Variants in CPT1A observed in about 807,000 individuals in gnomAD.
CPT1A encodes carnitine palmitoyltransferase 1A, also known as carnitine O-palmitoyltransferase 1, liver isoform.
CPT1A carries 64 observed loss-of-function variants against 100.8 expected under a neutral mutation model. That is an observed-to-expected ratio of 0.63 (90% CI 0.52 to 0.78). The LOEUF is 0.78. CPT1A is among the 30% of genes least tolerant of loss of function. CPT1A has a pLI of 0.00. For synonymous variants in CPT1A, 363 were observed against 396.0 expected (o/e 0.92, Z 0.99); for missense variants, 802 against 1,034.1 (o/e 0.78, Z 3.08).
chr11:68,761,808 A>C (rs1854627837), intron 15 of CPT1A, 121 bp from the exon 16 acceptor site: 1 of 1,201,072 alleles, frequency 8.3e-7, no homozygotes, highest in South Asian at 1.2e-5. Flanking sequence ...ACGGGGTTTC[A>C]ACATGTTGCC....
intron 9 of CPT1A, among the ~76,000 whole-genome samples, chr11:68,786,359 TCAAA>T (rs896884601): frequency 8.6e-5 from 13 of 151,946 alleles, no homozygotes; most frequent in African/African-American, 1.9e-4. Flanking sequence ...AGATCCTATC[TCAAA>T]CAAACAAACA....
intron 9 of CPT1A, among the ~76,000 whole-genome samples, chr11:68,788,654 A>AAG (rs369572011): frequency 2.7e-5 from 4 of 146,154 alleles, no homozygotes; most frequent in Non-Finnish European, 6.0e-5. Context: ...AAAAAAAAAA[A>AAG]GCAGAATGTC....
intron 14 of CPT1A, among the ~76,000 whole-genome samples, chr11:68,769,385 C>T (rs912380392): frequency 8.6e-5 from 13 of 151,490 alleles, no homozygotes; most frequent in Non-Finnish European, 1.3e-4. Context: ...TACAGGCATG[C>T]GCCACCATGC....
Position 68,781,905 on chromosome 11 carries a change from C to T in CPT1A, c.1218G>A (p.Gln406=). 3 of 1,614,200 alleles carry T rather than the reference C, an allele frequency of 1.9e-6. No homozygotes were observed. The highest frequency in any genetic ancestry group is 1.3e-5 in the African/African-American group (1 of 75,060). ...CTGCTTTCTCCACAGCATCAAGAGA[C>T]TGCTTATTTTTCCCACGTCCAAAAT... ...QAYFGRGKNK[Q]SLDAVEKAAF... The change falls in exon 11 of 19, where the codon CAG becomes CAA. Residue 406 remains glutamine, a synonymous_variant. Coordinates refer to ENST00000265641, the MANE Select transcript of CPT1A (RefSeq NM_001876.4).
chr11:68,813,708 A>AGAGGG (rs398016536), intron 2 of CPT1A, among the ~76,000 whole-genome samples: 2 of 147,516 alleles, frequency 1.4e-5, no homozygotes, highest in Non-Finnish European at 3.0e-5. Context: ...AAAAAAAAAA[A>AGAGGG]GAGGGGAGGG....
At chr11:68,823,554 C>T (rs1162074642) in intron 1 of CPT1A, among the ~76,000 whole-genome samples, 3 of 151,672 alleles carry the variant, frequency 2.0e-5, no homozygotes, top group Non-Finnish European at 2.9e-5. Context: ...TTTGGGAGGC[C>T]GAGGCGGGAG....
At chr11:68,816,166 G>A (rs979274325) in intron 1 of CPT1A, among the ~76,000 whole-genome samples, 1 of 152,220 alleles carries the variant, frequency 6.6e-6, no homozygotes, top group Non-Finnish European at 1.5e-5. Context: ...GAGTGTCCAC[G>A]CAGGAGTCCA....
At chr11:68,843,352 G>T (rs564735261), upstream of CPT1A, among the ~76,000 whole-genome samples, 1 of 150,898 alleles carries the variant, frequency 6.6e-6, no homozygotes, top group Non-Finnish European at 1.5e-5. The surrounding 1 kb of genome is among the most constrained non-coding windows in gnomAD (Gnocchi z 4.0). Flanking sequence ...GACAATTAGG[G>T]CCTCCTCCCC....
At chr11:68,792,477 C>G (rs1855643411) in intron 9 of CPT1A, among the ~76,000 whole-genome samples, 2 of 152,248 alleles carry the variant, frequency 1.3e-5, no homozygotes, top group African/African-American at 4.8e-5. Flanking sequence ...TGGGTAGTTC[C>G]CCATCCACAG....
chr11:68,819,140 G>A (rs1012828242), intron 1 of CPT1A, among the ~76,000 whole-genome samples: 4 of 151,972 alleles, frequency 2.6e-5, no homozygotes, highest in East Asian at 1.9e-4. Context: ...GTGCAGCGGC[G>A]CCATCTCAGC....
intron 18 of CPT1A, among the ~76,000 whole-genome samples, chr11:68,758,077 G>A (rs144853717): frequency 6.6e-6 from 1 of 152,236 alleles, no homozygotes; most frequent in Non-Finnish European, 1.5e-5. Flanking sequence ...AGACCAGCCT[G>A]GGAAACATGG....
At chr11:68,781,427 C>A (rs1855308264) in intron 11 of CPT1A, among the ~76,000 whole-genome samples, 1 of 152,126 alleles carries the variant, frequency 6.6e-6, no homozygotes, top group South Asian at 2.1e-4. Context: ...CATAACCAGC[C>A]TGGCCAACAT....
chr11:68,768,576 T>G (rs1370497349), intron 14 of CPT1A, among the ~76,000 whole-genome samples: 5 of 152,014 alleles, frequency 3.3e-5, no homozygotes, highest in Admixed American at 3.3e-4. Context: ...CCAGCTAATC[T>G]TGTATTTTTA....
At chr11:68,830,585 C>T (rs776654380) in intron 1 of CPT1A, among the ~76,000 whole-genome samples, 3 of 152,342 alleles carry the variant, frequency 2.0e-5, no homozygotes, top group East Asian at 3.9e-4. Flanking sequence ...GTCACAAATC[C>T]GCTGTCCCGT....
At chr11:68,804,446 G>C (rs2154000585) in intron 4 of CPT1A, among the ~76,000 whole-genome samples, 1 of 152,186 alleles carries the variant, frequency 6.6e-6, no homozygotes, top group African/African-American at 2.4e-5. Flanking sequence ...AAATTAGCCA[G>C]GCATGGTGGC....
intron 10 of CPT1A, among the ~76,000 whole-genome samples, chr11:68,782,937 T>C (rs1418121248): frequency 6.6e-6 from 1 of 152,058 alleles, no homozygotes; most frequent in Middle Eastern, 3.2e-3. Flanking sequence ...CCGAGGCGCC[T>C]ACAGACCCAC....
In CPT1A at chr11:68,780,731, G is replaced by A. The variant is rs1478167106; in HGVS notation, c.1367C>T (p.Ser456Leu). 1.2e-6 allele frequency: 2 copies of A among 1,614,136 alleles called. No individual in the cohort carries two copies. Among genetic ancestry groups the A allele is most frequent in the Non-Finnish European group, 8.5e-7 (1 of 1,179,966 alleles). ...GTTTTTGAAGACAACAAACGTGAAC[G>A]ACTTGTCAAACCACCTACGTGAAAC... ...GRCYDRWFDK[S>L]FTFVVFKNGK... The change falls in exon 12 of 19, where the codon TCG becomes TTG. Residue 456 changes from serine to leucine, a missense_variant. Ser to Leu is a moderately radical substitution (Grantham distance 145). Coordinates refer to ENST00000265641, the MANE Select transcript of CPT1A (RefSeq NM_001876.4).
intron 13 of CPT1A, 88 bp from the exon 14 acceptor site, chr11:68,773,517 G>A: frequency 6.3e-7 from 1 of 1,596,812 alleles, no homozygotes; most frequent in Non-Finnish European, 8.5e-7. Context: ...CTGGTTTTTA[G>A]TGCAGCTATA....
At chr11:68,803,844 GAA>G (rs11311321) in intron 5 of CPT1A, among the ~76,000 whole-genome samples, 154 bp downstream of exon 5, 2 of 108,902 alleles carry the variant, frequency 1.8e-5, no homozygotes, top group Non-Finnish European at 1.6e-5. Flanking sequence ...ATGCATTGGA[GAA>G]AAAAAAAAAA....
Sources: gnomAD v4.1 joint callset for allele counts (sites outside exome capture counted in the v4.1 genomes callset) on GRCh38, gnomAD v4.1.1 for gene constraint, Gnocchi (gnomAD v3.1) non-coding constraint, MANE v1.5 for transcripts, NCBI Gene and HGNC (gene_info 2026-07-23, HGNC 2026-07-21) for gene names.